Variants in OTUD7A observed in about 807,000 individuals in gnomAD.
OTUD7A encodes the protein OTU domain-containing protein 7A.
OTUD7A carries 12 observed loss-of-function variants against 65.7 expected under a neutral mutation model. The observed-to-expected ratio is 0.18, with a 90% CI of 0.12 to 0.30. The LOEUF is 0.30. Among genes scored for constraint, OTUD7A ranks in the 10% least tolerant of loss-of-function variants. The pLI, the probability that OTUD7A is intolerant of heterozygous loss-of-function variation, is 1.00. For synonymous variants in OTUD7A, 641 were observed against 586.3 expected (o/e 1.09, Z -1.35); for missense variants, 1,148 against 1,304.8 (o/e 0.88, Z 1.85).
intron 1 of OTUD7A, among the ~76,000 whole-genome samples, chr15:31,801,464 G>C (rs1896123103): frequency 6.6e-6 from 1 of 152,188 alleles, no homozygotes; most frequent in Admixed American, 6.5e-5. Flanking sequence ...GCAAACTCTG[G>C]GCTGGTTCTG....
chr15:31,599,338 G>GC (rs996596103), intron 3 of OTUD7A, among the ~76,000 whole-genome samples: 6 of 152,198 alleles, frequency 3.9e-5, no homozygotes, highest in African/African-American at 1.4e-4. Flanking sequence ...CTATTCTGCA[G>GC]CCTCTGCTGG....
intron 1 of OTUD7A, among the ~76,000 whole-genome samples, chr15:31,813,495 T>C (rs1371177556): frequency 6.6e-6 from 1 of 152,174 alleles, no homozygotes; most frequent in Non-Finnish European, 1.5e-5. Context: ...CCATAAACAC[T>C]GGGTCTGATA....
intron 1 of OTUD7A, among the ~76,000 whole-genome samples, chr15:31,789,228 T>C (rs756552392): frequency 6.6e-6 from 1 of 152,202 alleles, no homozygotes; most frequent in Non-Finnish European, 1.5e-5. Flanking sequence ...TCATGCAGGG[T>C]AGAAACCAGG....
intron 1 of OTUD7A, among the ~76,000 whole-genome samples, chr15:31,816,131 C>A (rs952238975): frequency 3.9e-5 from 6 of 152,192 alleles, no homozygotes; most frequent in Admixed American, 2.0e-4. Context: ...AGGGCTCCGG[C>A]CTCTTTCCAG....
At chr15:31,520,965 C>T (rs2041928561) in intron 8 of OTUD7A, among the ~76,000 whole-genome samples, 2 of 152,112 alleles carry the variant, frequency 1.3e-5, no homozygotes, top group Admixed American at 1.3e-4. Flanking sequence ...GAATGGAATC[C>T]TGTCTTTTGC....
At chr15:31,791,282 C>A (rs1567024606) in intron 1 of OTUD7A, among the ~76,000 whole-genome samples, 1 of 152,172 alleles carries the variant, frequency 6.6e-6, no homozygotes, top group Non-Finnish European at 1.5e-5. Flanking sequence ...GCCTCAGCCT[C>A]CCAAAGTGCT....
At chr15:31,750,907 G>T (rs918672123) in intron 1 of OTUD7A, among the ~76,000 whole-genome samples, 1 of 151,966 alleles carries the variant, frequency 6.6e-6, no homozygotes, top group Admixed American at 6.6e-5. Context: ...CCTCCCTATC[G>T]CCATATAAAA....
intron 3 of OTUD7A, among the ~76,000 whole-genome samples, chr15:31,571,563 T>C: frequency 6.6e-6 from 1 of 152,236 alleles, no homozygotes; most frequent in South Asian, 2.1e-4. Context: ...CATTCCTTCC[T>C]GTACAATTAG....
chr15:31,732,484 C>T (rs1351790767), intron 1 of OTUD7A, among the ~76,000 whole-genome samples: 8 of 152,222 alleles, frequency 5.3e-5, no homozygotes, highest in South Asian at 2.1e-4. Context: ...TACAGCTTAA[C>T]AGGCTATTGA....
chr15:31,727,869 TG>T (rs1243814278), intron 1 of OTUD7A, among the ~76,000 whole-genome samples: 1 of 152,190 alleles, frequency 6.6e-6, no homozygotes, highest in Non-Finnish European at 1.5e-5. Flanking sequence ...CTGGCCTTTC[TG>T]TGGCTATCTG....
In OTUD7A at chr15:31,667,204, G is replaced by A. The variant is rs142709125; in HGVS notation, c.-99-10127C>T. On this transcript the variant is annotated intron_variant, in intron 1 of 12. Transcript: ENST00000307050. Reference sequence around the variant, plus strand: ...CTTTGACTTTCTATCTTGATGACCTGTCTAGTGCTGTCAGTGGAGTACTGA... The same window carrying A: ...CTTTGACTTTCTATCTTGATGACCTATCTAGTGCTGTCAGTGGAGTACTGA... Among the ~76,000 whole-genome samples, 1,495 of 151,114 alleles carry A rather than the reference G, an allele frequency of 9.9e-3. 35 individuals are homozygous for A. The highest frequency in any genetic ancestry group is 0.035 in the African/African-American group (1,435 of 40,750).
chr15:31,626,290 T>C (rs1486772368), intron 3 of OTUD7A, among the ~76,000 whole-genome samples: 1 of 152,166 alleles, frequency 6.6e-6, no homozygotes, highest in Non-Finnish European at 1.5e-5. Flanking sequence ...CCTTGAAATA[T>C]ACAAAAAATT....
intron 3 of OTUD7A, among the ~76,000 whole-genome samples, chr15:31,588,390 T>C (rs1293495551): frequency 6.6e-6 from 1 of 152,128 alleles, no homozygotes. Flanking sequence ...AAGGGAAAGG[T>C]AAACACAAAC....
At chr15:31,769,311 C>T (rs564843095) in intron 1 of OTUD7A, among the ~76,000 whole-genome samples, 99 of 152,228 alleles carry the variant, frequency 6.5e-4, no homozygotes, top group Non-Finnish European at 1.2e-3. Flanking sequence ...AGGTTCAATT[C>T]ACCAAAAAGA....
intron 1 of OTUD7A, among the ~76,000 whole-genome samples, chr15:31,690,487 T>A (rs1364284983): frequency 6.6e-6 from 1 of 152,226 alleles, no homozygotes; most frequent in Non-Finnish European, 1.5e-5. Context: ...GTCTCACACA[T>A]CTTGATTTCA....
chr15:31,609,174 T>C (rs1890324201), intron 3 of OTUD7A, among the ~76,000 whole-genome samples: 1 of 152,084 alleles, frequency 6.6e-6, no homozygotes, highest in Admixed American at 6.6e-5. Context: ...GAAAAGGAAG[T>C]CTCAAGCTGA....
chr15:31,572,328 A>G (rs1313593562), intron 3 of OTUD7A, among the ~76,000 whole-genome samples: 1 of 152,176 alleles, frequency 6.6e-6, no homozygotes, highest in Non-Finnish European at 1.5e-5. Flanking sequence ...GCAGCAAGAC[A>G]GTATAGCTGT....
intron 1 of OTUD7A, among the ~76,000 whole-genome samples, chr15:31,686,003 C>T (rs972604773): frequency 6.6e-6 from 1 of 152,228 alleles, no homozygotes; most frequent in African/African-American, 2.4e-5. Flanking sequence ...CTTATGCCAT[C>T]TCACGGGGGA....
At chr15:31,656,530 A>G (rs1173592801) in intron 2 of OTUD7A, among the ~76,000 whole-genome samples, 1 of 152,258 alleles carries the variant, frequency 6.6e-6, no homozygotes, top group Non-Finnish European at 1.5e-5. Flanking sequence ...CTTTATGGAA[A>G]AAGCTTGCAG....
Sources: allele counts gnomAD v4.1 joint callset (sites outside exome capture counted in the v4.1 genomes callset), GRCh38; gene constraint gnomAD v4.1.1; transcripts MANE v1.5; gene names NCBI Gene and HGNC (gene_info 2026-07-23, HGNC 2026-07-21).